SLC6A15: variants seen among roughly 807,000 people sequenced by gnomAD.
SLC6A15 encodes solute carrier family 6 member 15.
A neutral mutation model predicts 68.5 loss-of-function variants in SLC6A15; 33 were observed. The ratio of observed to expected loss-of-function variants is 0.48; its 90% CI spans 0.37 to 0.64. The LOEUF (loss-of-function observed/expected upper bound fraction) is 0.64, where lower values mean the gene tolerates loss of function less well. Ranked by LOEUF, SLC6A15 falls within the 30% of genes least tolerant of loss-of-function variation. The pLI, the probability that SLC6A15 is intolerant of heterozygous loss-of-function variation, is 0.00. For synonymous variants in SLC6A15, 347 were observed against 301.0 expected, an observed-to-expected ratio of 1.15 and a Z score of -1.58; for missense variants, 747 against 874.3, an observed-to-expected ratio of 0.85 and a Z score of 1.84.
At chr12:84,902,643 C>T (rs924743335) in intron 1 of SLC6A15, among the ~76,000 whole-genome samples, 2 of 151,730 alleles carry the variant, frequency 1.3e-5, no homozygotes, top group African/African-American at 4.8e-5. Flanking sequence ...TACATTCGCA[C>T]CATGAACCAC....
Position 84,888,219 on chromosome 12 carries a change from G to A in SLC6A15, c.290-2151C>T, listed in dbSNP as rs143585852. ...GGAGAGGTTGCAGTGAGCTGAGATCGCACCACTGCACTCCAGTCTCGGTGA... is the reference window on the plus strand; with the variant it reads ...GGAGAGGTTGCAGTGAGCTGAGATCACACCACTGCACTCCAGTCTCGGTGA... On this transcript the variant is annotated intron_variant, in intron 2 of 11. Transcript: ENST00000266682. Among the ~76,000 whole-genome samples the A allele has an allele frequency of 3.4e-3, 487 of 142,578 alleles. 3 individuals carry two copies. Among genetic ancestry groups the A allele is most frequent in the Non-Finnish European group, 4.4e-3 (294 of 66,110 alleles). 93.5% of individuals were successfully genotyped at this position (142,578 alleles called of 152,430 possible).
intron 1 of SLC6A15, among the ~76,000 whole-genome samples, chr12:84,907,843 C>T (rs1215695631): frequency 6.6e-6 from 1 of 152,176 alleles, no homozygotes; most frequent in African/African-American, 2.4e-5. Context: ...ACATCCATAC[C>T]ATTAACTACT....
chr12:84,873,408 T>A lies in SLC6A15; in HGVS notation c.868-80A>T, dbSNP rs901090318. The A allele has an allele frequency of 6.7e-6, 10 of 1,499,700 alleles. No homozygotes were observed. In the African/African-American group the frequency reaches 1.4e-4, roughly 21 times the overall value. 92.9% of individuals were successfully genotyped at this position (1,499,700 alleles called of 1,614,324 possible). A position where few individuals can be genotyped will look rare whatever the true frequency, so the allele number is the denominator to read the frequency against. Reference sequence around the variant, plus strand: ...TAATTTTTATGGAATTTACTGTTTATGGAGTATACAATGATATTTATGCAT... The same window carrying A: ...TAATTTTTATGGAATTTACTGTTTAAGGAGTATACAATGATATTTATGCAT... On this transcript the variant is annotated intron_variant, in intron 6 of 11. Transcript: ENST00000266682.
intron 1 of SLC6A15, among the ~76,000 whole-genome samples, chr12:84,900,364 G>A (rs1224370277): frequency 6.6e-6 from 1 of 151,874 alleles, no homozygotes; most frequent in East Asian, 1.9e-4. Context: ...CTAAGATCCC[G>A]AGGGACCTCC....
chr12:84,891,327 C>T (rs1872380828), intron 2 of SLC6A15, among the ~76,000 whole-genome samples: 1 of 152,150 alleles, frequency 6.6e-6, no homozygotes. Context: ...TACATTCCTT[C>T]TGCTGGGATC....
intron 9 of SLC6A15, among the ~76,000 whole-genome samples, chr12:84,868,784 A>G (rs1046138644): frequency 3.9e-5 from 6 of 152,198 alleles, no homozygotes; most frequent in Non-Finnish European, 7.3e-5. Context: ...GTCTTAGAAA[A>G]TACTACTTTG....
chr12:84,878,387 T>C (rs1295136586), intron 5 of SLC6A15, among the ~76,000 whole-genome samples: 2 of 152,180 alleles, frequency 1.3e-5, no homozygotes, highest in Non-Finnish European at 2.9e-5. Flanking sequence ...GGCAGTTGCC[T>C]TGATCTCACT....
chr12:84,876,707 C>G, intron 5 of SLC6A15, 100 bp from the exon 6 acceptor site: 1 of 536,342 alleles, frequency 1.9e-6, no homozygotes. Context: ...GTCACTGTTT[C>G]ATGACAGGAT....
chr12:84,894,409 G>A (rs1039495929), intron 1 of SLC6A15, among the ~76,000 whole-genome samples: 1 of 152,096 alleles, frequency 6.6e-6, no homozygotes, highest in Non-Finnish European at 1.5e-5. Context: ...TGTAAATGCT[G>A]ATAGTTATGC....
In SLC6A15 at chr12:84,863,603, T is replaced by C. The variant is rs1870943534; in HGVS notation, c.1656-2A>G. ...ATATCTTTTAGGTCTTCCATAAACC[T>C]GAATAAAAAGAAAGTATTTAATTAT... On this transcript the variant is annotated splice_acceptor_variant, in intron 10 of 11. Transcript: ENST00000266682. LOFTEE classifies it high-confidence loss of function. 3.3e-6 allele frequency: 5 copies of C among 1,514,322 alleles called. No individual in the cohort carries two copies. The highest frequency in any genetic ancestry group is 4.4e-6 in the Non-Finnish European group (5 of 1,138,348). The allele number at this position is 1,514,322 out of a possible 1,614,324, so 93.8% of individuals were successfully genotyped here.
At chr12:84,890,904 G>T (rs1037214019) in intron 2 of SLC6A15, among the ~76,000 whole-genome samples, 2 of 151,990 alleles carry the variant, frequency 1.3e-5, no homozygotes, top group African/African-American at 4.8e-5. Flanking sequence ...ATGACTTATG[G>T]AATATTTTAT....
chr12:84,895,027 T>C (rs112711967), intron 1 of SLC6A15, among the ~76,000 whole-genome samples: 1 of 152,084 alleles, frequency 6.6e-6, no homozygotes, highest in Non-Finnish European at 1.5e-5. Context: ...GAATCCTTAA[T>C]GATATTATAA....
chr12:84,896,897 G>C (rs567823351), intron 1 of SLC6A15, among the ~76,000 whole-genome samples: 3 of 152,244 alleles, frequency 2.0e-5, no homozygotes, highest in Non-Finnish European at 4.4e-5. Context: ...AGTCACATTA[G>C]AAGCAACTGA....
chr12:84,875,270 T>C (rs191487270), intron 6 of SLC6A15, among the ~76,000 whole-genome samples: 2 of 151,964 alleles, frequency 1.3e-5, no homozygotes, highest in African/African-American at 4.8e-5. Flanking sequence ...AATTATAGTG[T>C]GGCTGAAACT....
chr12:84,870,447 T>C, intron 9 of SLC6A15, 31 bp downstream of exon 9: 1 of 1,467,726 alleles, frequency 6.8e-7, no homozygotes, highest in South Asian at 1.5e-5. Context: ...CCTGGATTTG[T>C]TCAATGAAAA....
At chr12:84,907,857 T>C (rs1873240335) in intron 1 of SLC6A15, among the ~76,000 whole-genome samples, 1 of 152,206 alleles carries the variant, frequency 6.6e-6, no homozygotes, top group African/African-American at 2.4e-5. Flanking sequence ...AACTACTATT[T>C]AGCAAAAACT....
At chr12:84,883,202 C>T in intron 5 of SLC6A15, 1 of 976,044 alleles carries the variant, frequency 1.0e-6, no homozygotes, top group Non-Finnish European at 1.2e-6. Context: ...ATAGCAATTA[C>T]TTTCCTAGAG....
rs1388167797 is a variant in SLC6A15, at chr12:84,873,278, C to A, written c.918G>T (p.Val306=). 6.2e-7 allele frequency: 1 copy of A among 1,613,990 alleles called. No homozygotes were observed. Among genetic ancestry groups the A allele is most frequent in the African/African-American group, 1.3e-5 (1 of 74,920 alleles). The change falls in exon 7 of 12, where the codon GTG becomes GTT. Residue 306 remains valine, a synonymous_variant. Coordinates refer to ENST00000266682, the MANE Select transcript of SLC6A15 (RefSeq NM_182767.6). ...PKVWREAATQ[V]FFALGLGFGG... ...CAAATCCCAGACCTAAGGCAAAGAA[C>A]ACTTGAGTAGCAGCTTCTCTCCAGA...
intron 10 of SLC6A15, among the ~76,000 whole-genome samples, chr12:84,866,479 T>C (rs140069271): frequency 2.4e-4 from 37 of 152,310 alleles, no homozygotes; most frequent in African/African-American, 8.4e-4. Context: ...GCAAATGACA[T>C]ATACATCTCA....
Sources: gnomAD v4.1 joint callset for allele counts (sites outside exome capture counted in the v4.1 genomes callset) on GRCh38, gnomAD v4.1.1 for gene constraint, MANE v1.5 for transcripts, NCBI Gene and HGNC (gene_info 2026-07-23, HGNC 2026-07-21) for gene names.